Variants in CNBD1 observed in about 807,000 individuals in gnomAD.
The protein encoded by CNBD1 is cyclic nucleotide binding domain containing 1.
Under a neutral mutation model 54.4 loss-of-function variants are expected in CNBD1, and 71 were observed. The ratio of observed to expected loss-of-function variants is 1.30; its 90% CI spans 1.08 to 1.59. The LOEUF is 1.59. Among genes scored for constraint, CNBD1 ranks in the 40% most tolerant of loss-of-function variants. The pLI, the probability that CNBD1 is intolerant of heterozygous loss-of-function variation, is 0.00. For missense variants in CNBD1, 659 were observed against 518.0 expected (o/e 1.27, Z -2.64); for synonymous variants, 182 against 170.7 (o/e 1.07, Z -0.51).
chr8:87,363,567 T>G (rs987959934), intron 10 of CNBD1, among the ~76,000 whole-genome samples: 1 of 152,192 alleles, frequency 6.6e-6, no homozygotes, highest in African/African-American at 2.4e-5. Context: ...TGAGATGGTA[T>G]CTCATTGTGG....
At chr8:87,136,385 G>A (rs1433592474) in intron 4 of CNBD1, among the ~76,000 whole-genome samples, 1 of 149,724 alleles carries the variant, frequency 6.7e-6, no homozygotes, top group Non-Finnish European at 1.5e-5. Context: ...CTCAATTAAT[G>A]TGGAAGATAC....
intron 4 of CNBD1, among the ~76,000 whole-genome samples, chr8:86,977,641 C>G (rs1412317401): frequency 6.6e-6 from 1 of 151,970 alleles, no homozygotes; most frequent in Non-Finnish European, 1.5e-5. Context: ...GAACAAAATT[C>G]ATCAGATAAA....
chr8:87,390,408 A>G (rs984412111), intron 2 of CNBD1, among the ~76,000 whole-genome samples: 16 of 151,802 alleles, frequency 1.1e-4, no homozygotes, highest in Non-Finnish European at 2.1e-4. Flanking sequence ...ACAAGAAAAA[A>G]CCCCATCAAA....
At chr8:87,031,950 A>G (rs1397528154) in intron 4 of CNBD1, among the ~76,000 whole-genome samples, 1 of 152,122 alleles carries the variant, frequency 6.6e-6, no homozygotes, top group Admixed American at 6.6e-5. Context: ...CATGTTGGCC[A>G]GGCTGGTCTT....
At chr8:87,104,395 A>T (rs1811491821) in intron 4 of CNBD1, among the ~76,000 whole-genome samples, 1 of 152,362 alleles carries the variant, frequency 6.6e-6, no homozygotes, top group Middle Eastern at 3.4e-3. Context: ...GGAAATGAGG[A>T]TGTCAAAGAC....
intron 4 of CNBD1, among the ~76,000 whole-genome samples, chr8:86,994,050 C>G (rs1057307620): frequency 6.6e-6 from 1 of 152,190 alleles, no homozygotes; most frequent in Non-Finnish European, 1.5e-5. Context: ...GCCCATCCTG[C>G]TCCTGCACCA....
At chr8:87,243,460 G>T (rs1227142404) in intron 6 of CNBD1, among the ~76,000 whole-genome samples, 1 of 152,154 alleles carries the variant, frequency 6.6e-6, no homozygotes, top group African/African-American at 2.4e-5. Flanking sequence ...TTCTGATAAT[G>T]GGTGCTGCCT....
At chr8:87,357,177 C>G (rs1404787895) in intron 10 of CNBD1, among the ~76,000 whole-genome samples, 1 of 152,206 alleles carries the variant, frequency 6.6e-6, no homozygotes, top group Non-Finnish European at 1.5e-5. Flanking sequence ...CACAGAGAGC[C>G]TCTATAAGAG....
At chr8:87,111,805 C>T (rs1376171601) in intron 4 of CNBD1, among the ~76,000 whole-genome samples, 2 of 152,152 alleles carry the variant, frequency 1.3e-5, no homozygotes, top group East Asian at 3.9e-4. Context: ...CCCCTGCATC[C>T]TGCCATTAAG....
At chr8:87,034,343 A>G (rs1809859793) in intron 4 of CNBD1, among the ~76,000 whole-genome samples, 1 of 152,252 alleles carries the variant, frequency 6.6e-6, no homozygotes, top group South Asian at 2.1e-4. Context: ...TTACTGTGAT[A>G]AAGCAGCCTA....
chr8:86,891,967 C>G (rs1186830619), intron 2 of CNBD1, among the ~76,000 whole-genome samples: 1 of 151,844 alleles, frequency 6.6e-6, no homozygotes, highest in African/African-American at 2.4e-5. Flanking sequence ...GGTGGAGTCT[C>G]TAGGCTTTTA....
chr8:87,265,321 C>A (rs1030135286), intron 6 of CNBD1, among the ~76,000 whole-genome samples: 1 of 151,872 alleles, frequency 6.6e-6, no homozygotes, highest in Non-Finnish European at 1.5e-5. Context: ...AGATATGTGG[C>A]GTTATTTCTG....
intron 6 of CNBD1, among the ~76,000 whole-genome samples, chr8:87,270,933 T>C (rs73280904): frequency 3.6e-4 from 55 of 151,948 alleles, no homozygotes; most frequent in African/African-American, 1.2e-3. Context: ...CTTTTTATTA[T>C]GGCTTTGATT....
chr8:86,945,398 C>T (rs554582136), intron 4 of CNBD1, among the ~76,000 whole-genome samples: 15 of 152,254 alleles, frequency 9.9e-5, no homozygotes, highest in African/African-American at 3.6e-4. Flanking sequence ...GAATTGCTCC[C>T]TGGAAGAACA....
chr8:87,403,199 A>C (rs1325995274), intron 2 of CNBD1, among the ~76,000 whole-genome samples: 3 of 152,016 alleles, frequency 2.0e-5, no homozygotes, highest in African/African-American at 4.8e-5. Context: ...CCTTTCAAAA[A>C]TATAGTTTGA....
At chr8:87,052,446 G>A (rs13267512) in intron 4 of CNBD1, among the ~76,000 whole-genome samples, 8,254 of 152,268 alleles carry the variant, frequency 0.054, 280 homozygotes, top group African/African-American at 0.096. Flanking sequence ...GCTTAGAGTA[G>A]TTAAGCGATT....
chr8:87,141,394 A>G (rs1266113874), intron 4 of CNBD1, among the ~76,000 whole-genome samples: 1 of 152,144 alleles, frequency 6.6e-6, no homozygotes, highest in Non-Finnish European at 1.5e-5. Context: ...TTACACTGTC[A>G]ATATATATGT....
At chr8:87,403,705 T>A (rs1396677980) in intron 2 of CNBD1, among the ~76,000 whole-genome samples, 1 of 152,024 alleles carries the variant, frequency 6.6e-6, no homozygotes, top group East Asian at 1.9e-4. Context: ...CGACAACAGT[T>A]ACTACTACTA....
intron 2 of CNBD1, among the ~76,000 whole-genome samples, chr8:87,399,861 A>G (rs950909387): frequency 8.6e-5 from 13 of 151,978 alleles, no homozygotes; most frequent in African/African-American, 3.1e-4. Flanking sequence ...GTAACCCAGA[A>G]CCATCACTGA....
Sources: allele counts gnomAD v4.1 joint callset (sites outside exome capture counted in the v4.1 genomes callset), GRCh38; gene constraint gnomAD v4.1.1; transcripts MANE v1.5; gene names NCBI Gene and HGNC (gene_info 2026-07-23, HGNC 2026-07-21).